Variants in SORL1 observed in about 807,000 individuals in gnomAD.
SORL1 encodes the protein sortilin-related receptor.
SORL1 carries 127 observed loss-of-function variants against 273.7 expected under a neutral mutation model. The observed-to-expected ratio is 0.46, with a 90% CI of 0.40 to 0.54. The LOEUF is 0.54. Among genes scored for constraint, SORL1 ranks in the 20% least tolerant of loss-of-function variants. The pLI is 0.00. For synonymous variants in SORL1, 1,031 were observed against 1,067.4 expected, an observed-to-expected ratio of 0.97 and a Z score of 0.66; for missense variants, 2,494 against 2,846.1, an observed-to-expected ratio of 0.88 and a Z score of 2.81.
At position 121,595,763 on chromosome 11, in the gene SORL1, G is replaced by A. The variant is rs1015361007; in HGVS notation, c.4510G>A (p.Ala1504Thr). 3 of 1,612,470 alleles carry A rather than the reference G, an allele frequency of 1.9e-6. No homozygotes were observed. The highest frequency in any genetic ancestry group is 1.3e-5 in the African/African-American group (1 of 74,936). The change falls in exon 32 of 48, where the codon GCC becomes ACC. Residue 1504 changes from alanine to threonine, a missense_variant. Physicochemically the swap from Ala to Thr is moderately conservative, Grantham distance 58. Around this residue, in one of 3 missense-constraint regions of SORL1, gnomAD observed 1,609 missense variants for 1,816.4 expected, o/e 0.89. Coordinates refer to ENST00000260197, the MANE Select transcript of SORL1 (RefSeq NM_003105.6). The surrounding 1 kb of genome is among the most constrained non-coding windows in gnomAD (Gnocchi z 5.1). The stretch of plus-strand genomic sequence containing the variant: ...AGATTGCCAGGATGGCCGGGACGAG[G>A]CCAATTGCCGTGAGTAGTCAGAGAG... The part of the protein sequence containing the change: ...HQDCQDGRDE[A>T]NCPTHSTLTC...
At chr11:121,539,387 T>C (rs1862312472) in intron 12 of SORL1, among the ~76,000 whole-genome samples, 2 of 152,344 alleles carry the variant, frequency 1.3e-5, no homozygotes, top group African/African-American at 4.8e-5. Context: ...CCACCTTTTC[T>C]TCATTAAGGA....
In SORL1 at chr11:121,594,055, AG is replaced by A. The variant is rs944243781; in HGVS notation, c.4370-1566del. On this transcript the variant is annotated intron_variant, in intron 31 of 47. Coordinates refer to ENST00000260197, the MANE Select transcript of SORL1 (RefSeq NM_003105.6). ...AAGTAATTTTCCTTCAGAGTTTTGAAGGTTTTGTTCCACTGCCTTCAAGCAG... is the reference window on the plus strand; with the variant it reads ...AAGTAATTTTCCTTCAGAGTTTTGAAGTTTTGTTCCACTGCCTTCAAGCAG... 3.6e-4 allele frequency among the ~76,000 whole-genome samples: 55 copies of A among 151,924 alleles called. 1 individual carries two copies. The highest frequency in any genetic ancestry group is 1.3e-3 in the African/African-American group (54 of 41,322).
chr11:121,605,101 T>C lies in SORL1; in HGVS notation c.4652-12T>C, dbSNP rs1282754786. On this transcript the variant is annotated splice_polypyrimidine_tract_variant and intron_variant, in intron 33 of 47. Transcript: ENST00000260197. The stretch of plus-strand genomic sequence containing the variant: ...GTAACTTTGTTTGTCTTTTTCTCCT[T>C]TATCTCTCTAGATGAGTTGACTGTG... 1 of 1,600,736 alleles carries C rather than the reference T, an allele frequency of 6.2e-7. No individual in the cohort carries two copies. Among genetic ancestry groups the C allele is most frequent in the South Asian group, 1.1e-5 (1 of 89,052 alleles).
At chr11:121,583,685 G>A (rs1863049109) in intron 26 of SORL1, 102 bp downstream of exon 26, 2 of 1,325,100 alleles carry the variant, frequency 1.5e-6, no homozygotes, top group Admixed American at 2.8e-5. Context: ...GTTCTCCTAT[G>A]CCTGTATTTA....
At chr11:121,602,450 A>G (rs915206360) in intron 32 of SORL1, among the ~76,000 whole-genome samples, 4 of 152,210 alleles carry the variant, frequency 2.6e-5, no homozygotes, top group East Asian at 1.9e-4. Flanking sequence ...AGTGGTCTGC[A>G]TGTCTTCTCA....
rs976175870 is a variant in SORL1, at chr11:121,555,307, A to G, written c.2560A>G (p.Lys854Glu). ...GCTTTACTGGGTAGATGCAGGCTTC[A>G]AAAAGATTGAGGTATGTGTATTTTC... is the stretch of plus-strand genomic sequence containing the variant. ...QLLYWVDAGF[K>E]KIEVANPDGD... Residue 854 changes from lysine (K) to glutamate (E), a missense_variant, in exon 18 of 48, where the codon AAA becomes GAA. Lys to Glu is a moderately conservative substitution (Grantham distance 56). This residue lies in a region of SORL1 where 1,609 missense variants were observed against 1,816.4 expected (regional missense o/e 0.89). Transcript: ENST00000260197. 14 of 1,613,710 alleles carry G rather than the reference A, an allele frequency of 8.7e-6. No homozygotes were observed. The highest frequency in any genetic ancestry group is 1.3e-5 in the African/African-American group (1 of 75,056).
rs985071029 is a variant in SORL1 at position 121,579,720 on chromosome 11, A to G, written c.3580+2320A>G. On this transcript the variant is annotated intron_variant, in intron 25 of 47. Transcript: ENST00000260197. The stretch of plus-strand genomic sequence containing the variant: ...ATTTAGTATTTTAGTTTTATATTAA[A>G]AAATCCTAAACTTCACTGTTACTCT... 2.6e-5 allele frequency among the ~76,000 whole-genome samples: 4 copies of G among 152,210 alleles called. No homozygotes were observed. In the East Asian group the frequency reaches 7.7e-4, roughly 29 times the overall value.
At chr11:121,576,936 C>T in intron 24 of SORL1, 1 of 1,534,604 alleles carries the variant, frequency 6.5e-7, no homozygotes, top group Non-Finnish European at 8.7e-7. Context: ...TTCCTGGCCT[C>T]CTCTATCACT....
chr11:121,520,772 A>G lies in SORL1; in HGVS notation c.1327A>G (p.Thr443Ala). Residue 443 changes from threonine (T) to alanine (A), a missense_variant, in exon 9 of 48, where the codon ACC becomes GCC. This residue lies in a region of SORL1 where 710 missense variants were observed against 882.5 expected (regional missense o/e 0.80). Transcript: ENST00000260197. ...TGAGGAGAACATGAGATCGGTCATC[A>G]CCTTTGACAAAGGGGGAACCTGGGA... ...MNEENMRSVITFDKGGTWEFL... is the reference protein window; with the variant it reads ...MNEENMRSVIAFDKGGTWEFL... 6.2e-7 allele frequency: 1 copy of G among 1,613,018 alleles called. No homozygotes were observed.
chr11:121,598,195 A>G (rs1396064707), intron 32 of SORL1, among the ~76,000 whole-genome samples: 4 of 152,174 alleles, frequency 2.6e-5, no homozygotes, highest in Non-Finnish European at 5.9e-5. Context: ...GGAATGGGTT[A>G]TAGAAGAAGG....
intron 11 of SORL1, among the ~76,000 whole-genome samples, chr11:121,525,930 A>G (rs1851293561): frequency 6.6e-6 from 1 of 152,180 alleles, no homozygotes; most frequent in Non-Finnish European, 1.5e-5. Flanking sequence ...TAGGAGGCTG[A>G]GGTCAGAAGG....
At position 121,462,397 on chromosome 11, in the gene SORL1, T is replaced by C. The variant is rs1861014491; in HGVS notation, c.286-7610T>C. Among the ~76,000 whole-genome samples, 7 of 152,244 alleles carry C rather than the reference T, an allele frequency of 4.6e-5. No homozygotes were observed. In the South Asian group the frequency reaches 1.5e-3, roughly 32 times the overall value. On this transcript the variant is annotated intron_variant, in intron 1 of 47. Coordinates refer to ENST00000260197, the MANE Select transcript of SORL1 (RefSeq NM_003105.6). ...CATCCCCTTTTCCCTAACTCCTCCC[T>C]CTTCATCCTTATGGTGTCAGTACAT...
At chr11:121,625,056 C>G (rs755391479) in intron 45 of SORL1, 29 bp from the exon 46 acceptor site, 4 of 1,538,196 alleles carry the variant, frequency 2.6e-6, no homozygotes, top group Non-Finnish European at 3.6e-6. Context: ...TATTCGACTT[C>G]CTGAGCAATC....
intron 24 of SORL1, chr11:121,576,767 G>A: frequency 6.8e-7 from 1 of 1,478,830 alleles, no homozygotes; most frequent in African/African-American, 1.4e-5. Flanking sequence ...CCCACAGAAA[G>A]TCCCGAGTTA....
intron 31 of SORL1, among the ~76,000 whole-genome samples, chr11:121,592,087 C>T (rs531078130): frequency 2.6e-5 from 4 of 152,174 alleles, no homozygotes; most frequent in Non-Finnish European, 4.4e-5. Context: ...TCCCTGGATT[C>T]CTTACATCAG....
chr11:121,613,914 C>G (rs1430920014), intron 40 of SORL1, among the ~76,000 whole-genome samples: 1 of 152,332 alleles, frequency 6.6e-6, no homozygotes, highest in East Asian at 1.9e-4. Flanking sequence ...CCAAGCACTT[C>G]CTAAGCATTT....
At chr11:121,454,820 G>T (rs944930247) in intron 1 of SORL1, among the ~76,000 whole-genome samples, 2 of 152,152 alleles carry the variant, frequency 1.3e-5, no homozygotes, top group African/African-American at 4.8e-5. Context: ...TGGAACTCTG[G>T]AGTAACTAAC....
At chr11:121,531,934 G>A (rs617847) in intron 11 of SORL1, among the ~76,000 whole-genome samples, 58,840 of 151,982 alleles carry the variant, frequency 0.39, 12,081 homozygotes, top group East Asian at 0.56. Context: ...TTTCCTTCGG[G>A]CAAAGCTTTA....
At chr11:121,566,270 A>C (rs892371178) in intron 21 of SORL1, among the ~76,000 whole-genome samples, 1 of 152,242 alleles carries the variant, frequency 6.6e-6, no homozygotes, top group Non-Finnish European at 1.5e-5. Context: ...TTTTTAAAAA[A>C]AAAATTATTC....
Sources: gnomAD v4.1 joint callset for allele counts (sites outside exome capture counted in the v4.1 genomes callset) on GRCh38, gnomAD v4.1.1 for gene constraint, gnomAD v4.1.1 regional missense constraint, Gnocchi (gnomAD v3.1) non-coding constraint, MANE v1.5 for transcripts, NCBI Gene and HGNC (gene_info 2026-07-23, HGNC 2026-07-21) for gene names.